SLC71A2: variants seen among roughly 807,000 people sequenced by gnomAD.
SLC71A2 encodes hippocampus abundant transcript-like 1.
chr9:94,455,142 C>G, the SLC71A2 span, among the ~76,000 whole-genome samples: 1 of 129,576 alleles, frequency 7.7e-6, no homozygotes, highest in African/African-American at 3.1e-5. Flanking sequence ...TTCATTTGAT[C>G]CGCTTGCTCT....
At chr9:94,389,690 T>G in the SLC71A2 span, among the ~76,000 whole-genome samples, 1 of 151,950 alleles carries the variant, frequency 6.6e-6, no homozygotes, top group Non-Finnish European at 1.5e-5. Flanking sequence ...CACTTTAGCC[T>G]CAAACTCCTG....
the SLC71A2 span, among the ~76,000 whole-genome samples, chr9:94,425,524 CTTGAG>C: frequency 6.6e-6 from 1 of 152,044 alleles, no homozygotes; most frequent in Admixed American, 6.5e-5. Context: ...AAGCTGTCTT[CTTGAG>C]TTGAGTCAGT....
chr9:94,426,867 C>T, the SLC71A2 span, among the ~76,000 whole-genome samples: 1 of 152,106 alleles, frequency 6.6e-6, no homozygotes, highest in Admixed American at 6.5e-5. Context: ...CAAGGTCTTG[C>T]TCTGTTGCCC....
the SLC71A2 span, chr9:94,444,928 C>G: frequency 6.2e-7 from 1 of 1,600,912 alleles, no homozygotes; most frequent in Non-Finnish European, 8.5e-7. Context: ...AGGTGTTCAC[C>G]TATGGGACCC....
the SLC71A2 span, among the ~76,000 whole-genome samples, chr9:94,441,672 C>G: frequency 6.6e-6 from 1 of 152,182 alleles, no homozygotes; most frequent in Admixed American, 6.5e-5. Context: ...GGTGCTGAAC[C>G]TCAGCAATGT....
At chr9:94,396,511 T>C in the SLC71A2 span, among the ~76,000 whole-genome samples, 1 of 152,204 alleles carries the variant, frequency 6.6e-6, no homozygotes, top group African/African-American at 2.4e-5. Flanking sequence ...GGGGAGACTC[T>C]GTCTCCAAAA....
the SLC71A2 span, among the ~76,000 whole-genome samples, chr9:94,392,701 A>G: frequency 1.8e-3 from 273 of 152,252 alleles, 1 homozygote; most frequent in Non-Finnish European, 2.9e-3. Flanking sequence ...GGGTTTCACC[A>G]TGTTGGCCAG....
At chr9:94,379,501 T>C in the SLC71A2 span, among the ~76,000 whole-genome samples, 1 of 147,056 alleles carries the variant, frequency 6.8e-6, no homozygotes, top group Non-Finnish European at 1.5e-5. Context: ...ATGATCCTCC[T>C]GCCTCAGCCT....
At chr9:94,425,009 A>G in the SLC71A2 span, among the ~76,000 whole-genome samples, 2 of 151,458 alleles carry the variant, frequency 1.3e-5, no homozygotes, top group Admixed American at 6.6e-5. Context: ...GACTGTCCAG[A>G]TATCTTGTTC....
chr9:94,448,472 C>T, the SLC71A2 span, among the ~76,000 whole-genome samples: 8 of 152,228 alleles, frequency 5.3e-5, no homozygotes, highest in East Asian at 1.5e-3. Flanking sequence ...GGAAGGCAGG[C>T]CTTTTCCTAA....
chr9:94,433,242 G>A, the SLC71A2 span: 57 of 214,638 alleles, frequency 2.7e-4, no homozygotes, highest in Middle Eastern at 1.9e-3. Flanking sequence ...TTGCCCCCTC[G>A]CTCTGTCCCA....
the SLC71A2 span, chr9:94,454,096 G>T: frequency 1.3e-6 from 2 of 1,505,328 alleles, no homozygotes; most frequent in South Asian, 1.1e-5. Flanking sequence ...AGATTCTCGT[G>T]AACTGCCAGA....
the SLC71A2 span, among the ~76,000 whole-genome samples, chr9:94,444,032 TTTAA>T: frequency 5.8e-3 from 887 of 152,354 alleles, 9 homozygotes; most frequent in Non-Finnish European, 9.6e-3. Context: ...TACTGTGTTT[TTTAA>T]TTCAGTTGGG....
chr9:94,421,257 T>TGTAC, the SLC71A2 span, among the ~76,000 whole-genome samples: 1 of 152,126 alleles, frequency 6.6e-6, no homozygotes, highest in South Asian at 2.1e-4. Context: ...AAGTATAATG[T>TGTAC]GTACAGAAAG....
the SLC71A2 span, among the ~76,000 whole-genome samples, chr9:94,439,175 A>G: frequency 2.0e-5 from 3 of 151,758 alleles, no homozygotes; most frequent in Admixed American, 2.0e-4. Context: ...ACGCCCGGCT[A>G]ATTTTTGTAT....
At chr9:94,409,129 CTTTTTTTTTTT>C in the SLC71A2 span, among the ~76,000 whole-genome samples, 747 of 68,260 alleles carry the variant, frequency 0.011, 14 homozygotes, top group African/African-American at 0.05. Context: ...GCCCGGCCTC[CTTTTTTTTTTT>C]TTTTTTTTTT....
At chr9:94,416,949 C>G in the SLC71A2 span, among the ~76,000 whole-genome samples, 3 of 150,372 alleles carry the variant, frequency 2.0e-5, no homozygotes, top group African/African-American at 7.3e-5. Flanking sequence ...TCCTTTTTTT[C>G]TTATTGCAGT....
At chr9:94,408,472 G>A in the SLC71A2 span, among the ~76,000 whole-genome samples, 26 of 152,164 alleles carry the variant, frequency 1.7e-4, no homozygotes, top group African/African-American at 6.0e-4. Context: ...TTGGGAAGAG[G>A]TTTAATTCTT....
chr9:94,453,889 C>CTGATG, the SLC71A2 span: 1 of 1,082,288 alleles, frequency 9.2e-7, no homozygotes, highest in East Asian at 2.4e-5. Context: ...AGGGTCTTCA[C>CTGATG]ACACAGAGCT....
Sources: gnomAD v4.1 joint callset for allele counts (sites outside exome capture counted in the v4.1 genomes callset) on GRCh38, gnomAD v4.1.1 for gene constraint, MANE v1.5 for transcripts, NCBI Gene and HGNC (gene_info 2026-07-23, HGNC 2026-07-21) for gene names.